Variants in CCSER1 observed in about 807,000 individuals in gnomAD.
The protein encoded by CCSER1 is serine-rich coiled-coil domain-containing protein 1.
Under a neutral mutation model 82.0 loss-of-function variants are expected in CCSER1, and 41 were observed. That is an observed-to-expected ratio of 0.50 (90% CI 0.39 to 0.65). The LOEUF is 0.65. Ranked by LOEUF, CCSER1 falls within the 30% of genes least tolerant of loss-of-function variation. The pLI is 0.00. For missense variants in CCSER1, 1,119 were observed against 1,064.2 expected, an observed-to-expected ratio of 1.05 and a Z score of -0.72; for synonymous variants, 414 against 383.9, an observed-to-expected ratio of 1.08 and a Z score of -0.92.
chr4:91,087,237 T>G (rs1298032826), intron 10 of CCSER1, among the ~76,000 whole-genome samples: 1 of 152,090 alleles, frequency 6.6e-6, no homozygotes, highest in Non-Finnish European at 1.5e-5. Context: ...ACATACTAAG[T>G]GGAGTTACTC....
intron 10 of CCSER1, among the ~76,000 whole-genome samples, chr4:91,537,585 G>C (rs910337954): frequency 1.1e-4 from 17 of 151,838 alleles, no homozygotes; most frequent in African/African-American, 4.1e-4. Context: ...GTATTGGTTC[G>C]AGAAGTCATT....
At chr4:91,538,386 G>A (rs945166405) in intron 10 of CCSER1, among the ~76,000 whole-genome samples, 1 of 151,790 alleles carries the variant, frequency 6.6e-6, no homozygotes, top group Non-Finnish European at 1.5e-5. Flanking sequence ...CACCAGTTAT[G>A]AATAAGTTTG....
At chr4:91,201,820 C>G (rs1311702015) in intron 10 of CCSER1, among the ~76,000 whole-genome samples, 1 of 151,930 alleles carries the variant, frequency 6.6e-6, no homozygotes, top group Non-Finnish European at 1.5e-5. Context: ...TAAGCACTTT[C>G]TTTAGGATAA....
At chr4:90,475,760 C>T (rs1764989602) in intron 5 of CCSER1, among the ~76,000 whole-genome samples, 1 of 152,136 alleles carries the variant, frequency 6.6e-6, no homozygotes, top group Admixed American at 6.5e-5. Flanking sequence ...CTCTCATGCA[C>T]CCATGACTAG....
chr4:91,055,165 T>C (rs538645177), intron 9 of CCSER1, among the ~76,000 whole-genome samples: 10 of 152,280 alleles, frequency 6.6e-5, no homozygotes, highest in Admixed American at 2.0e-4. Context: ...ATTATATAGC[T>C]ATTTGCTTTA....
chr4:90,999,057 A>G (rs1737764852), intron 9 of CCSER1, among the ~76,000 whole-genome samples: 1 of 152,180 alleles, frequency 6.6e-6, no homozygotes, highest in African/African-American at 2.4e-5. Context: ...GCTGCAAAGG[A>G]CATGATTTCA....
intron 9 of CCSER1, chr4:90,938,890 CAT>C (rs1265992815): frequency 6.2e-6 from 1 of 160,772 alleles, no homozygotes; most frequent in Non-Finnish European, 1.4e-5. Flanking sequence ...TTGCAAAAAT[CAT>C]ATAAAATATT....
intron 7 of CCSER1, among the ~76,000 whole-genome samples, chr4:90,762,491 T>C (rs1057326563): frequency 3.9e-5 from 6 of 152,170 alleles, no homozygotes; most frequent in Admixed American, 2.6e-4. Context: ...TCACTATTTT[T>C]GCACATCCAG....
At chr4:90,768,127 A>G (rs1352302502) in intron 7 of CCSER1, among the ~76,000 whole-genome samples, 1 of 152,184 alleles carries the variant, frequency 6.6e-6, no homozygotes, top group Non-Finnish European at 1.5e-5. Flanking sequence ...CAACTGTGGC[A>G]TTTGTCTTGG....
chr4:91,385,886 A>G (rs1408869841), intron 10 of CCSER1, among the ~76,000 whole-genome samples: 1 of 151,996 alleles, frequency 6.6e-6, no homozygotes, highest in Non-Finnish European at 1.5e-5. Context: ...GTAAGAAGTC[A>G]TGATTTCGGA....
chr4:91,291,087 A>T (rs72877097), intron 10 of CCSER1, among the ~76,000 whole-genome samples: 12,562 of 151,428 alleles, frequency 0.083, 1,658 homozygotes, highest in African/African-American at 0.28. Flanking sequence ...TATTTTATAA[A>T]TATTTTACCT....
Position 91,429,858 on chromosome 4 carries a change from TTAAGA to T in CCSER1, c.2218-168709_2218-168705del, listed in dbSNP as rs754190587. Reference sequence around the variant, plus strand: ...TCCTTTAGCATGCTTTAAAAGTTAATTAAGATAAGTATATTCTATACTAGAAAATT... The same window carrying T: ...TCCTTTAGCATGCTTTAAAAGTTAATTAAGTATATTCTATACTAGAAAATT... On this transcript the variant is annotated intron_variant, in intron 10 of 10. Coordinates refer to ENST00000509176, the MANE Select transcript of CCSER1 (RefSeq NM_001145065.2). 3.1e-3 allele frequency among the ~76,000 whole-genome samples: 474 copies of T among 151,982 alleles called. 2 individuals carry two copies. Among genetic ancestry groups the T allele is most frequent in the African/African-American group, 9.5e-3 (396 of 41,576 alleles).
At chr4:91,255,666 A>G (rs111578390) in intron 10 of CCSER1, among the ~76,000 whole-genome samples, 1,948 of 152,310 alleles carry the variant, frequency 0.013, 51 homozygotes, top group African/African-American at 0.045. Flanking sequence ...TGAAGATTTC[A>G]TGGACATTTG....
At chr4:91,579,321 T>G (rs1363328250) in intron 10 of CCSER1, among the ~76,000 whole-genome samples, 2 of 151,576 alleles carry the variant, frequency 1.3e-5, no homozygotes, top group African/African-American at 4.8e-5. Context: ...ACTCCTAGTG[T>G]ACCCATCACC....
chr4:91,357,880 C>A (rs1210219596), intron 10 of CCSER1, among the ~76,000 whole-genome samples: 2 of 71,844 alleles, frequency 2.8e-5, no homozygotes, highest in African/African-American at 8.7e-5. Context: ...CTGCCTGCCC[C>A]CCCCCCCTTT....
intron 9 of CCSER1, among the ~76,000 whole-genome samples, chr4:91,085,613 G>T (rs996655404): frequency 6.6e-6 from 1 of 152,080 alleles, no homozygotes; most frequent in South Asian, 2.1e-4. Flanking sequence ...AGAGTAGGAG[G>T]TTACCATCAT....
chr4:91,057,506 TG>T, intron 9 of CCSER1, among the ~76,000 whole-genome samples: 1 of 152,300 alleles, frequency 6.6e-6, no homozygotes. Context: ...GACGATAATT[TG>T]GAAGTTATAA....
At chr4:91,122,179 C>A (rs1264177963) in intron 10 of CCSER1, among the ~76,000 whole-genome samples, 1 of 151,588 alleles carries the variant, frequency 6.6e-6, no homozygotes, top group Non-Finnish European at 1.5e-5. Flanking sequence ...AACAAGTGAT[C>A]CCTGATTGGT....
At chr4:90,810,393 A>G in intron 7 of CCSER1, among the ~76,000 whole-genome samples, 1 of 152,186 alleles carries the variant, frequency 6.6e-6, no homozygotes, top group Admixed American at 6.5e-5. Context: ...CATGCCTGTA[A>G]TCCCAGCACT....
Sources: allele counts gnomAD v4.1 joint callset (sites outside exome capture counted in the v4.1 genomes callset), GRCh38; gene constraint gnomAD v4.1.1; transcripts MANE v1.5; gene names NCBI Gene and HGNC (gene_info 2026-07-23, HGNC 2026-07-21).